The following DPP10 variants were observed in gnomAD, a reference collection of about 807,000 sequenced individuals.
DPP10 encodes dipeptidyl peptidase like 10.
DPP10 carries 33 observed loss-of-function variants against 120.9 expected under a neutral mutation model. The ratio of observed to expected loss-of-function variants is 0.27; its 90% CI spans 0.21 to 0.37. The LOEUF is 0.37. DPP10 is among the 10% of genes least tolerant of loss of function. The pLI is 1.00. For synonymous variants in DPP10, 337 were observed against 326.1 expected (o/e 1.03, Z -0.36); for missense variants, 816 against 942.8 (o/e 0.87, Z 1.76).
At chr2:115,338,452 T>G (rs771533231) in intron 2 of DPP10, among the ~76,000 whole-genome samples, 4 of 151,914 alleles carry the variant, frequency 2.6e-5, no homozygotes, top group Non-Finnish European at 4.4e-5. Context: ...AATAAATTAA[T>G]TTTTTTTAGT....
intron 1 of DPP10, among the ~76,000 whole-genome samples, chr2:114,499,355 T>A (rs1573500595): frequency 6.6e-6 from 1 of 151,984 alleles, no homozygotes; most frequent in East Asian, 1.9e-4. Flanking sequence ...TTTTTCTCCC[T>A]TCCTCTCCCT....
intron 3 of DPP10, among the ~76,000 whole-genome samples, chr2:115,464,974 G>A (rs915392918): frequency 3.3e-5 from 5 of 152,158 alleles, no homozygotes; most frequent in African/African-American, 9.6e-5. Context: ...CCATGGTCTC[G>A]TTCTCCTTTT....
At chr2:114,730,562 G>T (rs1676796120) in intron 1 of DPP10, among the ~76,000 whole-genome samples, 1 of 152,070 alleles carries the variant, frequency 6.6e-6, no homozygotes, top group South Asian at 2.1e-4. Context: ...TCTACCATGG[G>T]TTTTGTTTTT....
chr2:114,596,919 T>C (rs1269340245), intron 1 of DPP10, among the ~76,000 whole-genome samples: 1 of 152,056 alleles, frequency 6.6e-6, no homozygotes, highest in Non-Finnish European at 1.5e-5. Context: ...GCACTTGTTA[T>C]ATGTAGCCAT....
chr2:114,831,538 G>A (rs1390325439), intron 1 of DPP10, among the ~76,000 whole-genome samples: 1 of 152,156 alleles, frequency 6.6e-6, no homozygotes, highest in Non-Finnish European at 1.5e-5. Flanking sequence ...GGCATTGAGT[G>A]TCCCTAGCCA....
intron 1 of DPP10, among the ~76,000 whole-genome samples, chr2:114,520,377 C>G (rs1684954561): frequency 6.6e-6 from 1 of 152,154 alleles, no homozygotes; most frequent in African/African-American, 2.4e-5. Context: ...ATAATGCATT[C>G]CTAGAGACTG....
chr2:115,211,139 T>C (rs960778683), intron 1 of DPP10, among the ~76,000 whole-genome samples: 1 of 152,124 alleles, frequency 6.6e-6, no homozygotes, highest in Non-Finnish European at 1.5e-5. Flanking sequence ...TGCTAAAATA[T>C]TTAATTATTA....
chr2:114,480,135 G>A (rs943151864), intron 1 of DPP10, among the ~76,000 whole-genome samples: 2 of 152,182 alleles, frequency 1.3e-5, no homozygotes, highest in South Asian at 4.2e-4. Flanking sequence ...TCAGAGAAAT[G>A]CAAATCAAAA....
intron 3 of DPP10, among the ~76,000 whole-genome samples, chr2:115,421,116 C>T (rs1417285191): frequency 8.6e-5 from 13 of 151,696 alleles, no homozygotes; most frequent in Non-Finnish European, 1.8e-4. Context: ...TTTTTCCCCA[C>T]CTTTCTCAAT....
At chr2:115,767,554 T>TAC (rs749325166) in intron 12 of DPP10, among the ~76,000 whole-genome samples, 16 of 151,734 alleles carry the variant, frequency 1.1e-4, no homozygotes, top group Non-Finnish European at 2.2e-4. Context: ...TGTGTATATA[T>TAC]ACACACACAT....
At chr2:115,228,493 C>T (rs1013404495) in intron 1 of DPP10, among the ~76,000 whole-genome samples, 6 of 151,960 alleles carry the variant, frequency 3.9e-5, no homozygotes, top group African/African-American at 7.3e-5. Context: ...TAACAAAACC[C>T]GCTTCAATCC....
chr2:115,090,152 T>C (rs1709122718), intron 1 of DPP10, among the ~76,000 whole-genome samples: 1 of 152,218 alleles, frequency 6.6e-6, no homozygotes, highest in Non-Finnish European at 1.5e-5. Context: ...TATTTGCTTA[T>C]CTATTTTGAC....
intron 1 of DPP10, among the ~76,000 whole-genome samples, chr2:114,591,465 A>G (rs933459495): frequency 2.0e-5 from 3 of 151,546 alleles, no homozygotes; most frequent in African/African-American, 4.9e-5. Context: ...TGATCCTCCC[A>G]TTAGCAAAGG....
intron 1 of DPP10, among the ~76,000 whole-genome samples, chr2:115,305,251 C>T (rs1471649666): frequency 1.3e-5 from 2 of 152,038 alleles, no homozygotes; most frequent in African/African-American, 4.8e-5. Context: ...TCTAAGGCTG[C>T]TGCCCAGGAT....
intron 1 of DPP10, among the ~76,000 whole-genome samples, chr2:114,597,653 C>A (rs1429209275): frequency 6.6e-6 from 1 of 151,958 alleles, no homozygotes; most frequent in Non-Finnish European, 1.5e-5. Context: ...CTCCATGAAT[C>A]CCACTTTCCT....
At chr2:115,017,149 T>A (rs1702704270) in intron 1 of DPP10, among the ~76,000 whole-genome samples, 1 of 151,378 alleles carries the variant, frequency 6.6e-6, no homozygotes, top group African/African-American at 2.4e-5. Context: ...ATGGCACATG[T>A]ATACATACGT....
chr2:114,761,881 T>G (rs1680313167), intron 1 of DPP10, among the ~76,000 whole-genome samples: 1 of 152,150 alleles, frequency 6.6e-6, no homozygotes, highest in South Asian at 2.1e-4. Context: ...AACCCATTGA[T>G]TTTTCATTTT....
chr2:114,795,011 A>G (rs1273800491), intron 1 of DPP10, among the ~76,000 whole-genome samples: 1 of 152,146 alleles, frequency 6.6e-6, no homozygotes, highest in Non-Finnish European at 1.5e-5. Flanking sequence ...ATGCTGTCAG[A>G]TTATTTTGTA....
In DPP10 at chr2:115,814,789, G is replaced by A. The variant is rs778202263; in HGVS notation, c.1701-4G>A. ...GTTTTGGTCCAATATGTTGGTATTT[G>A]CAGGGATGAAGAACCAGGAGGCCAG... On this transcript the variant is annotated splice_polypyrimidine_tract_variant and splice_region_variant and intron_variant, in intron 19 of 25. Transcript: ENST00000410059. The A allele has an allele frequency of 1.3e-6, 2 of 1,534,232 alleles. No individual in the cohort carries two copies. The highest frequency in any genetic ancestry group is 2.6e-5 in the South Asian group (2 of 77,952).
Sources: allele counts gnomAD v4.1 joint callset (sites outside exome capture counted in the v4.1 genomes callset), GRCh38; gene constraint gnomAD v4.1.1; transcripts MANE v1.5; gene names NCBI Gene and HGNC (gene_info 2026-07-23, HGNC 2026-07-21).